ADGRE2: variants seen among roughly 807,000 people sequenced by gnomAD.
ADGRE2 encodes the protein adhesion G protein-coupled receptor E2.
Under a neutral mutation model 100.8 loss-of-function variants are expected in ADGRE2, and 83 were observed. The observed-to-expected ratio is 0.82, with a 90% CI of 0.69 to 0.99. The LOEUF is 0.99. ADGRE2 is among the 50% of genes least tolerant of loss of function. ADGRE2 has a pLI of 0.00. For synonymous variants in ADGRE2, 355 were observed against 413.0 expected (o/e 0.86, Z 1.70); for missense variants, 814 against 1,035.7 (o/e 0.79, Z 2.94).
intron 1 of ADGRE2, 174 bp from the exon 2 acceptor site, chr19:14,777,101 C>T (rs1205121690): frequency 3.0e-6 from 3 of 985,446 alleles, no homozygotes; most frequent in Non-Finnish European, 3.6e-6. Flanking sequence ...GACCAACCCT[C>T]TGGCCTCTGT....
intron 6 of ADGRE2, 27 bp from the exon 7 acceptor site, chr19:14,766,408 C>G: frequency 6.3e-7 from 1 of 1,596,024 alleles, no homozygotes; most frequent in Non-Finnish European, 8.5e-7. Context: ...AGGGTCAAAC[C>G]CTGTCCCTGA....
intron 11 of ADGRE2, among the ~76,000 whole-genome samples, chr19:14,757,306 G>T (rs2043535423): frequency 6.6e-6 from 1 of 152,098 alleles, no homozygotes; most frequent in African/African-American, 2.4e-5. Context: ...CCCCCAAAGT[G>T]GTCTAGAGAC....
In ADGRE2 at chr19:14,774,232, C is replaced by A; in HGVS notation, c.82+24G>T. 2.6e-6 allele frequency: 4 copies of A among 1,531,432 alleles called. No individual in the cohort carries two copies. In the South Asian group the frequency reaches 4.9e-5, roughly 19 times the overall value. The allele number at this position is 1,531,432 out of a possible 1,614,324, so 94.9% of individuals were successfully genotyped here. ...CCCCAGGCTCTGGCTGTGGACTGTG[C>A]TTTCTGCTTCCCAGCAGACTCACCC... On this transcript the variant is annotated intron_variant, in intron 3 of 20. Coordinates refer to ENST00000315576, the MANE Select transcript of ADGRE2 (RefSeq NM_013447.4).
chr19:14,757,881 G>A (rs1252986943), intron 11 of ADGRE2, among the ~76,000 whole-genome samples: 2 of 152,190 alleles, frequency 1.3e-5, no homozygotes, highest in Non-Finnish European at 2.9e-5. Flanking sequence ...TCAGCTCACT[G>A]CAACCTCCGT....
intron 11 of ADGRE2, among the ~76,000 whole-genome samples, chr19:14,756,921 T>G (rs1460779393): frequency 6.6e-6 from 1 of 151,896 alleles, no homozygotes; most frequent in African/African-American, 2.4e-5. Context: ...AGTATTTTTT[T>G]TTTTTTGAGA....
chr19:14,736,511 T>G (rs572953477), intron 20 of ADGRE2, among the ~76,000 whole-genome samples: 1 of 151,988 alleles, frequency 6.6e-6, no homozygotes, highest in South Asian at 2.1e-4. Flanking sequence ...TCTGCCTGCC[T>G]CAGCCTCCCA....
chr19:14,773,872 C>G, intron 4 of ADGRE2, 66 bp downstream of exon 4: 2 of 1,424,174 alleles, frequency 1.4e-6, no homozygotes, highest in Non-Finnish European at 2.0e-6. Flanking sequence ...ACCTCTGTCC[C>G]CCACTGGCAC....
chr19:14,772,427 C>A lies in ADGRE2; in HGVS notation c.270G>T (p.Gly90=), dbSNP rs2044244535. The change falls in exon 5 of 21, where the codon GGG becomes GGT. Residue 90 remains glycine, a synonymous_variant. Coordinates refer to ENST00000315576, the MANE Select transcript of ADGRE2 (RefSeq NM_013447.4). Reference sequence around the variant, plus strand: ...CTGGGCTGCACACGCAGTCGTAGCTCCCCTCTGTGTTCCAGCAGTCCGAGA... The same window carrying A: ...CTGGGCTGCACACGCAGTCGTAGCTACCCTCTGTGTTCCAGCAGTCCGAGA... ...GKFSDCWNTE[G]SYDCVCSPGY... 1 of 1,613,920 alleles carries A rather than the reference C, an allele frequency of 6.2e-7. No homozygotes were observed. The highest frequency in any genetic ancestry group is 1.1e-5 in the South Asian group (1 of 91,076).
In ADGRE2 at chr19:14,773,925, C is replaced by CA. The variant is rs764340491; in HGVS notation, c.199+12dup. 2 of 1,613,208 alleles carry CA rather than the reference C, an allele frequency of 1.2e-6. No homozygotes were observed. Among genetic ancestry groups the CA allele is most frequent in the Non-Finnish European group, 1.7e-6 (2 of 1,179,240 alleles). Reference sequence around the variant, plus strand: ...TCGCAGATGTCCCCTGCGCTGCCCTCAAGCCTCTGTACCGTCACAAGTCTC... The same window carrying CA: ...TCGCAGATGTCCCCTGCGCTGCCCTCAAAGCCTCTGTACCGTCACAAGTCTC... On this transcript the variant is annotated intron_variant, in intron 4 of 20. Coordinates refer to ENST00000315576, the MANE Select transcript of ADGRE2 (RefSeq NM_013447.4).
intron 18 of ADGRE2, among the ~76,000 whole-genome samples, chr19:14,744,365 G>T (rs533165713): frequency 6.6e-6 from 1 of 152,330 alleles, no homozygotes; most frequent in Non-Finnish European, 1.5e-5. Flanking sequence ...AAAGGATAAT[G>T]ATAGGAATCT....
At chr19:14,768,042 C>T (rs928868522) in intron 5 of ADGRE2, among the ~76,000 whole-genome samples, 1 of 152,212 alleles carries the variant, frequency 6.6e-6, no homozygotes, top group Non-Finnish European at 1.5e-5. Context: ...GCTCATGGTT[C>T]TGCAGGCTGT....
In ADGRE2 at chr19:14,751,450, A is replaced by C. The variant is rs367674615; in HGVS notation, c.2010T>G (p.Tyr670Ter). Residue 670 changes from tyrosine (Y) to a stop codon, truncating the protein, a stop_gained, in exon 16 of 21, where the codon TAT becomes TAG. Transcript: ENST00000315576. LOFTEE classifies it high-confidence loss of function. ...TTTGCACTAACCGGGAAGGTGTTCC[A>C]TAAAGGTGAGGCCTGGAGGCTGCAG... Reference protein sequence around the residue: ...AISAASRPHLYGTPSRCWLQP... With the variant: ...AISAASRPHL The C allele has an allele frequency of 6.2e-7, 1 of 1,613,902 alleles. No homozygotes were observed. The highest frequency in any genetic ancestry group is 2.2e-5 in the East Asian group (1 of 44,886).
In ADGRE2 at chr19:14,754,439, TTATCTATCTATCTATC is replaced by T. The variant is rs58065037; in HGVS notation, c.1590+499_1590+514del. ...TGGCTAGAATATAAGCAGGCAGAAATTATCTATCTATCTATCTATCTATCTATCTATCTATCTATCT... is the reference window on the plus strand; with the variant it reads ...TGGCTAGAATATAAGCAGGCAGAAATTATCTATCTATCTATCTATCTATCT... On this transcript the variant is annotated intron_variant, in intron 14 of 20. Coordinates refer to ENST00000315576, the MANE Select transcript of ADGRE2 (RefSeq NM_013447.4). 1.4e-3 allele frequency among the ~76,000 whole-genome samples: 176 copies of T among 126,336 alleles called. 1 individual carries two copies. Among genetic ancestry groups the T allele is most frequent in the African/African-American group, 4.6e-3 (148 of 32,480 alleles). 82.9% of individuals were successfully genotyped at this position (126,336 alleles called of 152,430 possible). A position where few individuals can be genotyped will look rare whatever the true frequency, so the allele number is the denominator to read the frequency against.
chr19:14,770,675 T>TTTTTC lies in ADGRE2; in HGVS notation c.355+1666_355+1667insGAAAA, dbSNP rs1568623205. 8.2e-5 allele frequency among the ~76,000 whole-genome samples: 9 copies of TTTTTC among 109,138 alleles called. 3 individuals are homozygous for TTTTTC. The highest frequency in any genetic ancestry group is 3.3e-4 in the South Asian group (1 of 3,070). The allele number at this position is 109,138 out of a possible 152,430, so 71.6% of individuals were successfully genotyped here. A position where few individuals can be genotyped will look rare whatever the true frequency, so the allele number is the denominator to read the frequency against. On this transcript the variant is annotated intron_variant, in intron 5 of 20. Transcript: ENST00000315576. ...CTTTTTGTTTCTTTCTTTTCTTTTT[T>TTTTTC]TTTTTTTTTTTTTTTTTTTTTTGAG...
intron 11 of ADGRE2, among the ~76,000 whole-genome samples, chr19:14,761,600 C>CA (rs2043726350): frequency 6.6e-6 from 1 of 151,632 alleles, no homozygotes; most frequent in South Asian, 2.1e-4. Flanking sequence ...AATCGAGCTG[C>CA]AGACATAGGC....
intron 11 of ADGRE2, among the ~76,000 whole-genome samples, chr19:14,763,011 A>C (rs1292925222): frequency 6.6e-6 from 1 of 152,154 alleles, no homozygotes; most frequent in Non-Finnish European, 1.5e-5. Context: ...TATCTTAATA[A>C]AATTAATGCT....
chr19:14,756,274 G>A lies in ADGRE2; in HGVS notation c.1156C>T (p.Leu386Phe). 6.2e-7 allele frequency: 1 copy of A among 1,614,060 alleles called. No homozygotes were observed. The highest frequency in any genetic ancestry group is 8.5e-7 in the Non-Finnish European group (1 of 1,179,990). ...GATTTCTGTGCCTGATTCCAGTCGA[G>A]CTGCATCACTGCCTGATTCTGTCTC... ...TLRQNQAVMQ[L>F]DWNQAQKSGD... is the part of the protein sequence containing the mutation. Residue 386 changes from leucine (L) to phenylalanine (F), a missense_variant, in exon 12 of 21, where the codon CTC becomes TTC. By Grantham distance (22) the Leu-to-Phe change is conservative. Around this residue, in one of 5 missense-constraint regions of ADGRE2, gnomAD observed 569 missense variants for 692.7 expected, o/e 0.82. Coordinates refer to ENST00000315576, the MANE Select transcript of ADGRE2 (RefSeq NM_013447.4).
At chr19:14,736,701 T>C (rs1052774422) in intron 20 of ADGRE2, among the ~76,000 whole-genome samples, 1 of 142,696 alleles carries the variant, frequency 7.0e-6, no homozygotes, top group Admixed American at 7.0e-5. Context: ...TATTTAGAAA[T>C]ATATAGATAT....
rs1331387397 is a variant in ADGRE2, at chr19:14,734,771, C to G, written c.*1465G>C. 1 of 152,154 alleles carries G rather than the reference C, an allele frequency of 6.6e-6. No homozygotes were observed. Among genetic ancestry groups the G allele is most frequent in the Non-Finnish European group, 1.5e-5 (1 of 68,060 alleles). 9.4% of individuals were successfully genotyped at this position (152,154 alleles called of 1,614,324 possible). Reference sequence around the variant, plus strand: ...GCAAAAGAAAGAGAAAGGAGAACAGCTCTTTCTCTTGCATGGGAGAGGGGC... The same window carrying G: ...GCAAAAGAAAGAGAAAGGAGAACAGGTCTTTCTCTTGCATGGGAGAGGGGC... On this transcript the variant is annotated 3_prime_UTR_variant, in exon 21 of 21. Coordinates refer to ENST00000315576, the MANE Select transcript of ADGRE2 (RefSeq NM_013447.4).
Sources: gnomAD v4.1 joint callset for allele counts (sites outside exome capture counted in the v4.1 genomes callset) on GRCh38, gnomAD v4.1.1 for gene constraint, gnomAD v4.1.1 regional missense constraint, MANE v1.5 for transcripts, NCBI Gene and HGNC (gene_info 2026-07-23, HGNC 2026-07-21) for gene names.